INTS9: variants seen among roughly 807,000 people sequenced by gnomAD.
INTS9 encodes protein related to CPSF subunits of 74 kDa.
INTS9 carries 55 observed loss-of-function variants against 79.7 expected under a neutral mutation model. That is an observed-to-expected ratio of 0.69 (90% CI 0.56 to 0.86). The LOEUF (loss-of-function observed/expected upper bound fraction) is 0.86. INTS9 is among the 40% of genes least tolerant of loss of function. The probability of loss-of-function intolerance (pLI) is 0.00; values close to 1 mark genes in which losing one functional copy is unlikely to be tolerated. For missense variants in INTS9, 721 were observed against 831.5 expected, an observed-to-expected ratio of 0.87 and a Z score of 1.64; for synonymous variants, 319 against 325.2, an observed-to-expected ratio of 0.98 and a Z score of 0.20.
chr8:28,873,410 C>T (rs1423163070), intron 1 of INTS9, among the ~76,000 whole-genome samples: 2 of 152,204 alleles, frequency 1.3e-5, no homozygotes, highest in Admixed American at 6.5e-5. Context: ...ACATATTCAA[C>T]AATTTCACCC....
intron 4 of INTS9, among the ~76,000 whole-genome samples, chr8:28,841,675 T>TAA (rs1481757834): frequency 1.3e-5 from 2 of 152,188 alleles, no homozygotes; most frequent in African/African-American, 4.8e-5. Flanking sequence ...ACTTAACTAC[T>TAA]AATAGCCTGT....
At chr8:28,824,824 C>T (rs939138511) in intron 6 of INTS9, among the ~76,000 whole-genome samples, 1 of 152,204 alleles carries the variant, frequency 6.6e-6, no homozygotes, top group African/African-American at 2.4e-5. Flanking sequence ...GTTAGCTCTT[C>T]ACCTCCAAGC....
intron 2 of INTS9, among the ~76,000 whole-genome samples, chr8:28,854,343 T>G (rs1808025138): frequency 6.6e-6 from 1 of 152,216 alleles, no homozygotes. Context: ...CAATCTAGTA[T>G]AGGGAGAGAG....
chr8:28,820,083 T>C (rs1165322674), intron 6 of INTS9, among the ~76,000 whole-genome samples: 1 of 152,220 alleles, frequency 6.6e-6, no homozygotes, highest in Non-Finnish European at 1.5e-5. Flanking sequence ...TACAGCACAC[T>C]GATGGGTCTT....
rs553124923 is a variant in INTS9, at chr8:28,775,988, C to T, written c.1396-62G>A. The T allele has an allele frequency of 7.1e-4, 951 of 1,347,158 alleles. 24 individuals are homozygous for T. In the South Asian group the frequency reaches 0.012, roughly 18 times the overall value. 83.5% of individuals were successfully genotyped at this position (1,347,158 alleles called of 1,614,324 possible). On this transcript the variant is annotated intron_variant, in intron 13 of 16. Transcript: ENST00000521022. ...GAAGTACAGTGGCCCCTGTGGAAGG[C>T]CCATTCCTGACCCCGATCCACTCCC...
intron 15 of INTS9, 50 bp from the exon 16 acceptor site, chr8:28,770,076 G>A (rs761077188): frequency 2.2e-5 from 35 of 1,596,444 alleles, no homozygotes; most frequent in Non-Finnish European, 2.7e-5. Context: ...TGAGCAGCAG[G>A]GGCCACCGCA....
At chr8:28,826,811 A>C (rs549611792) in intron 6 of INTS9, among the ~76,000 whole-genome samples, 16 of 152,314 alleles carry the variant, frequency 1.1e-4, no homozygotes, top group African/African-American at 3.8e-4. Flanking sequence ...CCTTGAGTAG[A>C]GCGACTAAAT....
chr8:28,777,932 T>C lies in INTS9; in HGVS notation c.1292A>G (p.Glu431Gly), dbSNP rs1211941107. The change falls in exon 13 of 17, where the codon GAA (glutamate) becomes GGA (glycine). Residue 431 changes from glutamate (E) to glycine (G), a missense_variant. Transcript: ENST00000521022. Reference protein sequence around the residue: ...IFTEPDFSYLEALAPYQPLAM... With the variant: ...IFTEPDFSYLGALAPYQPLAM... ...CAGCGGCTGGTAAGGAGCCAGGGCT[T>C]CCAGGTAGGAGAAGTCTGGTTCTAG... is the stretch of plus-strand genomic sequence containing the variant. The C allele has an allele frequency of 6.2e-7, 1 of 1,611,480 alleles. No homozygotes were observed. The highest frequency in any genetic ancestry group is 1.3e-5 in the African/African-American group (1 of 74,772).
At chr8:28,836,432 G>A (rs1806811319) in intron 5 of INTS9, among the ~76,000 whole-genome samples, 1 of 152,170 alleles carries the variant, frequency 6.6e-6, no homozygotes, top group Non-Finnish European at 1.5e-5. Flanking sequence ...TCTAATATTC[G>A]TGATCCATAT....
intron 6 of INTS9, among the ~76,000 whole-genome samples, chr8:28,821,825 A>G (rs779511526): frequency 6.6e-6 from 1 of 150,418 alleles, no homozygotes; most frequent in South Asian, 2.1e-4. Context: ...GCTGGAGTGC[A>G]GTGGCATAAT....
intron 4 of INTS9, among the ~76,000 whole-genome samples, chr8:28,845,254 T>C (rs916485294): frequency 1.3e-5 from 2 of 152,206 alleles, no homozygotes; most frequent in Non-Finnish European, 2.9e-5. Context: ...TTCATGAGGA[T>C]TGGGACTAAG....
At chr8:28,865,608 A>C (rs1303998284) in intron 1 of INTS9, among the ~76,000 whole-genome samples, 6 of 152,224 alleles carry the variant, frequency 3.9e-5, no homozygotes, top group Admixed American at 3.9e-4. Flanking sequence ...TAGCCTCAAA[A>C]TACATGAAGC....
At chr8:28,786,759 C>T (rs2130922748) in intron 11 of INTS9, among the ~76,000 whole-genome samples, 1 of 151,994 alleles carries the variant, frequency 6.6e-6, no homozygotes, top group Admixed American at 6.5e-5. Context: ...ACTCTGTGAC[C>T]CAGGCTAGAG....
chr8:28,776,581 A>G (rs1286027287), intron 13 of INTS9, among the ~76,000 whole-genome samples: 1 of 152,126 alleles, frequency 6.6e-6, no homozygotes, highest in African/African-American at 2.4e-5. Context: ...CCCTGCTTCT[A>G]CTTAAGAGCT....
chr8:28,881,398 C>T (rs1406971182), intron 1 of INTS9, among the ~76,000 whole-genome samples: 125 of 146,226 alleles, frequency 8.5e-4, no homozygotes, highest in Admixed American at 2.3e-3. Context: ...GCCCCTCTGC[C>T]CGGCCAGCCG....
At chr8:28,882,811 C>T (rs1809968167) in intron 1 of INTS9, among the ~76,000 whole-genome samples, 1 of 152,172 alleles carries the variant, frequency 6.6e-6, no homozygotes, top group Non-Finnish European at 1.5e-5. Context: ...AATGTGCTTT[C>T]AATAAATTTA....
chr8:28,862,327 G>T (rs1808505344), intron 1 of INTS9: 2 of 633,236 alleles, frequency 3.2e-6, no homozygotes, highest in Non-Finnish European at 3.9e-6. Flanking sequence ...TGTAATTTTA[G>T]TATTCACACT....
chr8:28,837,991 C>T (rs971880163), intron 4 of INTS9, among the ~76,000 whole-genome samples: 5 of 152,042 alleles, frequency 3.3e-5, no homozygotes, highest in Non-Finnish European at 7.4e-5. Flanking sequence ...ACACAGCCAG[C>T]CCAGAGGCAG....
At chr8:28,847,437 C>T (rs1160042475) in intron 3 of INTS9, among the ~76,000 whole-genome samples, 1 of 152,112 alleles carries the variant, frequency 6.6e-6, no homozygotes, top group East Asian at 1.9e-4. Context: ...TCCACTACCA[C>T]GACTACCACC....
Sources: gnomAD v4.1 joint callset for allele counts (sites outside exome capture counted in the v4.1 genomes callset) on GRCh38, gnomAD v4.1.1 for gene constraint, MANE v1.5 for transcripts, NCBI Gene and HGNC (gene_info 2026-07-23, HGNC 2026-07-21) for gene names.